RALYL: variants seen among roughly 807,000 people sequenced by gnomAD.
RALYL encodes RALY RNA binding protein like, also known as RNA-binding Raly-like protein.
Under a neutral mutation model 35.1 loss-of-function variants are expected in RALYL, and 29 were observed. The ratio of observed to expected loss-of-function variants is 0.83; its 90% CI spans 0.61 to 1.13. The LOEUF is 1.13. Among genes scored for constraint, RALYL ranks in the 50% most tolerant of loss-of-function variants. The probability of loss-of-function intolerance (pLI) is 0.00; values close to 1 mark genes in which losing one functional copy is unlikely to be tolerated. For missense variants in RALYL, 359 were observed against 360.4 expected (o/e 1.00, Z 0.03); for synonymous variants, 120 against 127.6 (o/e 0.94, Z 0.40).
At chr8:84,350,175 C>T (rs372901749) in intron 1 of RALYL, among the ~76,000 whole-genome samples, 36 of 150,364 alleles carry the variant, frequency 2.4e-4, no homozygotes, top group East Asian at 2.3e-3. Context: ...CTGGGCAGCC[C>T]CATGTATGAC....
intron 2 of RALYL, among the ~76,000 whole-genome samples, chr8:84,701,184 T>C (rs1233139416): frequency 1.3e-5 from 2 of 152,138 alleles, no homozygotes; most frequent in Non-Finnish European, 2.9e-5. Flanking sequence ...TGTTCCTACC[T>C]GAGAAAGGAG....
intron 1 of RALYL, among the ~76,000 whole-genome samples, chr8:84,417,158 T>C (rs1460145634): frequency 1.6e-4 from 25 of 151,850 alleles, no homozygotes; most frequent in Non-Finnish European, 4.4e-5. Flanking sequence ...GGGGGTGCTT[T>C]GAGAGGGCAT....
intron 2 of RALYL, chr8:84,706,081 CTT>C (rs1373282348): frequency 2.0e-6 from 3 of 1,533,476 alleles, no homozygotes; most frequent in Non-Finnish European, 8.7e-7. Context: ...TCTGACCCAA[CTT>C]TTTCATATCA....
chr8:84,529,521 A>G lies in RALYL; in HGVS notation c.200A>G (p.His67Arg). ...TTTGTACAGTACATGAGTGAGCGACATGCAAGAGCTGCAGTGGCTGGAGAA... is the reference window on the plus strand; with the variant it reads ...TTTGTACAGTACATGAGTGAGCGACGTGCAAGAGCTGCAGTGGCTGGAGAA... ...YAFVQYMSER[H>R]ARAAVAGENA... The change falls in exon 2 of 9, where the codon CAT becomes CGT. Residue 67 changes from histidine (H) to arginine (R), a missense_variant. By Grantham distance (29) the His-to-Arg change is conservative. Coordinates refer to ENST00000521268, the MANE Select transcript of RALYL (RefSeq NM_173848.7). 6.2e-7 allele frequency: 1 copy of G among 1,612,676 alleles called. No individual in the cohort carries two copies. Among genetic ancestry groups the G allele is most frequent in the Non-Finnish European group, 8.5e-7 (1 of 1,178,746 alleles).
chr8:84,321,192 C>T (rs16912683), intron 1 of RALYL, among the ~76,000 whole-genome samples: 1 of 152,006 alleles, frequency 6.6e-6, no homozygotes, highest in Non-Finnish European at 1.5e-5. Context: ...CATTATAAAA[C>T]AAAATGCACG....
chr8:84,323,943 T>C (rs565091429), intron 1 of RALYL, among the ~76,000 whole-genome samples: 1 of 152,128 alleles, frequency 6.6e-6, no homozygotes, highest in Non-Finnish European at 1.5e-5. Context: ...ACAGCAGTTA[T>C]ATAATTATCC....
intron 1 of RALYL, among the ~76,000 whole-genome samples, chr8:84,521,860 T>C (rs938231209): frequency 1.3e-5 from 2 of 152,144 alleles, no homozygotes; most frequent in African/African-American, 4.8e-5. Flanking sequence ...TCCAATTACT[T>C]AATCTCAATC....
chr8:84,316,581 C>T (rs1328534664), intron 1 of RALYL, among the ~76,000 whole-genome samples: 2 of 152,084 alleles, frequency 1.3e-5, no homozygotes, highest in East Asian at 1.9e-4. Flanking sequence ...CTACTGTTTG[C>T]TTAAACGTTG....
chr8:84,467,016 G>A (rs1191853357), intron 1 of RALYL, among the ~76,000 whole-genome samples: 4 of 152,118 alleles, frequency 2.6e-5, no homozygotes, highest in South Asian at 2.1e-4. Flanking sequence ...TATTGCATCT[G>A]TTTGATTCTT....
chr8:84,615,570 C>CGTTTTTTTTTTTTTTTTT (rs1819331653), intron 2 of RALYL, among the ~76,000 whole-genome samples: 1 of 67,364 alleles, frequency 1.5e-5, no homozygotes, highest in Non-Finnish European at 2.7e-5. Context: ...GAACTTTCGT[C>CGTTTTTTTTTTTTTTTTT]TTTTTTTTTT....
chr8:84,594,308 TATA>T (rs1270359366), intron 2 of RALYL, among the ~76,000 whole-genome samples: 1 of 152,088 alleles, frequency 6.6e-6, no homozygotes, highest in Non-Finnish European at 1.5e-5. Context: ...TTATAAGCAA[TATA>T]ATCATGTTGC....
At chr8:84,819,708 G>A (rs1200909613) in intron 4 of RALYL, among the ~76,000 whole-genome samples, 1 of 152,170 alleles carries the variant, frequency 6.6e-6, no homozygotes, top group Non-Finnish European at 1.5e-5. Flanking sequence ...TGGGGAAAAG[G>A]AAGCAATTGC....
chr8:84,242,469 A>G (rs1041011530), intron 1 of RALYL, among the ~76,000 whole-genome samples: 1 of 152,214 alleles, frequency 6.6e-6, no homozygotes, highest in African/African-American at 2.4e-5. Context: ...AACAGTGTAA[A>G]AGCATTCCTA....
At chr8:84,593,390 C>A (rs1257194714) in intron 2 of RALYL, among the ~76,000 whole-genome samples, 1 of 152,072 alleles carries the variant, frequency 6.6e-6, no homozygotes, top group East Asian at 1.9e-4. Context: ...AATTTAGAGT[C>A]CTGAATAAAA....
chr8:84,245,776 G>A (rs1034007701), intron 1 of RALYL, among the ~76,000 whole-genome samples: 1 of 152,082 alleles, frequency 6.6e-6, no homozygotes, highest in Non-Finnish European at 1.5e-5. Context: ...TGTAGGGTGG[G>A]TGGAGTGACA....
intron 4 of RALYL, among the ~76,000 whole-genome samples, chr8:84,844,772 TGGAATACTATGCA>T (rs1360644667): frequency 6.6e-6 from 1 of 152,222 alleles, no homozygotes; most frequent in Non-Finnish European, 1.5e-5. Context: ...ATATACAGCA[TGGAATACTATGCA>T]GCCATAAAAA....
intron 2 of RALYL, among the ~76,000 whole-genome samples, chr8:84,617,993 G>C (rs528865850): frequency 6.6e-6 from 1 of 151,868 alleles, no homozygotes; most frequent in East Asian, 1.9e-4. Flanking sequence ...GATTCGTTTT[G>C]CCAGCATTTT....
chr8:84,882,101 C>T (rs1435096113), intron 7 of RALYL, among the ~76,000 whole-genome samples: 1 of 151,916 alleles, frequency 6.6e-6, no homozygotes, highest in Non-Finnish European at 1.5e-5. Flanking sequence ...AACTTGTAGC[C>T]ATTATAAACC....
At chr8:84,213,879 C>T (rs752741723) in intron 1 of RALYL, among the ~76,000 whole-genome samples, 1 of 152,056 alleles carries the variant, frequency 6.6e-6, no homozygotes, top group African/African-American at 2.4e-5. Flanking sequence ...CCTCAATGTG[C>T]CTTATTACTA....
Sources: allele counts gnomAD v4.1 joint callset (sites outside exome capture counted in the v4.1 genomes callset), GRCh38; gene constraint gnomAD v4.1.1; transcripts MANE v1.5; gene names NCBI Gene and HGNC (gene_info 2026-07-23, HGNC 2026-07-21).